The following EHMT2 variants were observed in gnomAD, a reference collection of about 807,000 sequenced individuals.
EHMT2 encodes euchromatic histone lysine methyltransferase 2, also known as histone-lysine N-methyltransferase EHMT2.
Under a neutral mutation model 143.3 loss-of-function variants are expected in EHMT2, and 59 were observed. The ratio of observed to expected loss-of-function variants is 0.41; its 90% CI spans 0.33 to 0.51. The LOEUF (loss-of-function observed/expected upper bound fraction) is 0.51, where lower values mean the gene tolerates loss of function less well. EHMT2 is among the 20% of genes least tolerant of loss of function. The pLI is 0.18. For missense variants in EHMT2, 1,174 were observed against 1,645.9 expected, an observed-to-expected ratio of 0.71 and a Z score of 4.96; for synonymous variants, 604 against 651.5, an observed-to-expected ratio of 0.93 and a Z score of 1.11.
rs1027297242 is a variant in EHMT2, at chr6:31,889,406, G to A, written c.999+62C>T. The A allele has an allele frequency of 6.2e-7, 1 of 1,608,334 alleles. No homozygotes were observed. The highest frequency in any genetic ancestry group is 8.5e-7 in the Non-Finnish European group (1 of 1,177,714). On this transcript the variant is annotated intron_variant, in intron 8 of 27. Coordinates refer to ENST00000375537, the Ensembl canonical transcript of EHMT2. This position sits in a 1 kb window ranked among gnomAD's most constrained non-coding sequence, Gnocchi z 5.1. ...CCCAGGGGCCCCCCCAACACCTTCAGGACCAGACCTCCAGCCCCATAGTCT... is the reference window on the plus strand; with the variant it reads ...CCCAGGGGCCCCCCCAACACCTTCAAGACCAGACCTCCAGCCCCATAGTCT...
At position 31,890,319 on chromosome 6, in the gene EHMT2, TG is replaced by T. The variant is rs201075958; in HGVS notation, c.865-718del. On this transcript the variant is annotated intron_variant, in intron 7 of 27. Coordinates refer to ENST00000375537, the Ensembl canonical transcript of EHMT2. ...TTGCCCAGGCTGCATTGCAATGGTG[TG>T]ATCTCAGCTCACTGCAACCTCCACC... Among the ~76,000 whole-genome samples the T allele has an allele frequency of 7.4e-4, 112 of 152,238 alleles. 1 individual carries two copies. In the East Asian group the frequency reaches 0.021, roughly 28 times the overall value.
At chr6:31,886,942 G>A in intron 16 of EHMT2, 45 bp from the exon 17 acceptor site, 1 of 1,613,936 alleles carries the variant, frequency 6.2e-7, no homozygotes, top group Non-Finnish European at 8.5e-7. Context: ...CATGGGGCAG[G>A]GGAGGGGCCT....
At chr6:31,897,188 C>G in intron 1 of EHMT2, 199 bp from the exon 2 acceptor site, 4 of 1,282,554 alleles carry the variant, frequency 3.1e-6, no homozygotes, top group Non-Finnish European at 4.0e-6. Context: ...CCCTCCCTCT[C>G]GGTAGACCCC....
At chr6:31,897,341 C>T in intron 1 of EHMT2, 1 of 482,408 alleles carries the variant, frequency 2.1e-6, no homozygotes, top group Non-Finnish European at 3.3e-6. Context: ...CTCCAGCACC[C>T]GCTGCCCCCC....
chr6:31,897,639 G>T (rs1213275207), exon 1 of EHMT2: 2 of 1,155,536 alleles, frequency 1.7e-6, no homozygotes, highest in Non-Finnish European at 2.1e-6. Flanking sequence ...TCCGCACCTC[G>T]GCGGCCGCCG....
intron 4 of EHMT2, 149 bp downstream of exon 4, chr6:31,896,112 TCA>T (rs749929395): frequency 2.9e-4 from 321 of 1,122,552 alleles, no homozygotes; most frequent in Non-Finnish European, 3.4e-4. Flanking sequence ...GTCTGTTGGT[TCA>T]CAGATCAAGC....
In EHMT2 at chr6:31,888,184, G is replaced by A. The variant is rs1765153883; in HGVS notation, c.1602C>T (p.Pro534=). ...CTTCAGAAGCATCCTCCCCACAGTG[G>A]GGACAGAAGACCATCCCATTCAGCT... is the stretch of plus-strand genomic sequence containing the variant. The change falls in exon 13 of 28, where the codon CCC becomes CCT. Residue 534 remains proline, a synonymous_variant. Coordinates refer to ENST00000375537, the Ensembl canonical transcript of EHMT2. The surrounding 1 kb of genome is among the most constrained non-coding windows in gnomAD (Gnocchi z 7.4). 1 of 1,612,874 alleles carries A rather than the reference G, an allele frequency of 6.2e-7. No individual in the cohort carries two copies. Among genetic ancestry groups the A allele is most frequent in the Non-Finnish European group, 8.5e-7 (1 of 1,180,018 alleles).
chr6:31,896,462 C>T (rs768110937), exon 4 of EHMT2: 1 of 1,613,030 alleles, frequency 6.2e-7, no homozygotes, highest in Non-Finnish European at 8.5e-7. Context: ...CTTGGCCCGG[C>T]TAGGACAGGA....
At chr6:31,894,916 T>A (rs575994817) in intron 4 of EHMT2, among the ~76,000 whole-genome samples, 24 of 152,198 alleles carry the variant, frequency 1.6e-4, no homozygotes, top group African/African-American at 5.3e-4. Context: ...CCTCTGAAAG[T>A]GTTGAGATTA....
At chr6:31,893,229 T>C in intron 4 of EHMT2, 1 of 509,604 alleles carries the variant, frequency 2.0e-6, no homozygotes. Context: ...ACAGCTGAGG[T>C]GCGGAAGCAA....
chr6:31,887,235 C>T, intron 15 of EHMT2, 134 bp from the exon 16 acceptor site: 1 of 715,500 alleles, frequency 1.4e-6, no homozygotes, highest in Non-Finnish European at 2.3e-6. Context: ...ATTCTCCGAG[C>T]TTGCCTCCAC....
chr6:31,887,861 C>A, exon 14 of EHMT2: 1 of 1,611,752 alleles, frequency 6.2e-7, no homozygotes, highest in Non-Finnish European at 8.5e-7. Context: ...GAAAGGCAGC[C>A]CCCATTGGGC....
intron 7 of EHMT2, among the ~76,000 whole-genome samples, chr6:31,890,542 C>T (rs1020337333): frequency 4.0e-5 from 6 of 150,114 alleles, no homozygotes; most frequent in Admixed American, 2.0e-4. Flanking sequence ...TGAGCCACCA[C>T]GCCTGGGCCA....
At position 31,886,737 on chromosome 6, in the gene EHMT2, T is replaced by C. The variant is rs1357199363; in HGVS notation, c.2241+38A>G. The C allele has an allele frequency of 2.5e-6, 4 of 1,613,866 alleles. No individual in the cohort carries two copies. In the South Asian group the frequency reaches 3.3e-5, roughly 13 times the overall value. ...GGGCTGGCACCCCAAACCTGGTCCCTGACTCCGGGGGCCACGCCCTGCTGC... is the reference window on the plus strand; with the variant it reads ...GGGCTGGCACCCCAAACCTGGTCCCCGACTCCGGGGGCCACGCCCTGCTGC... On this transcript the variant is annotated intron_variant, in intron 17 of 27. Transcript: ENST00000375537.
exon 14 of EHMT2, chr6:31,887,862 C>T (rs1765089260): frequency 6.2e-7 from 1 of 1,611,784 alleles, no homozygotes; most frequent in Middle Eastern, 1.7e-4. Context: ...AAAGGCAGCC[C>T]CCATTGGGCA....
chr6:31,882,531 C>T (rs74434374), intron 25 of EHMT2, 168 bp downstream of exon 25: 11 of 691,816 alleles, frequency 1.6e-5, no homozygotes, highest in Admixed American at 2.3e-5. Flanking sequence ...GGGTCAGAGG[C>T]GGCTGGCTGC....
rs149017575 is a variant in EHMT2 at position 31,889,353 on chromosome 6, G to A, written c.1000-11C>T. On this transcript the variant is annotated splice_polypyrimidine_tract_variant and intron_variant, in intron 8 of 27. Transcript: ENST00000375537. This position sits in a 1 kb window ranked among gnomAD's most constrained non-coding sequence, Gnocchi z 5.1. ...GCCACTGGAACCACTCTGGGAAGGG[G>A]GAGGAGGAGGAGTTAGGAACCCTCA... 6,818 of 1,610,244 alleles carry A rather than the reference G, an allele frequency of 4.2e-3. 53 individuals carry two copies. Among genetic ancestry groups the A allele is most frequent in the Middle Eastern group, 0.031 (185 of 6,058 alleles).
At position 31,893,344 on chromosome 6, in the gene EHMT2, A is replaced by C. The variant is rs924164486; in HGVS notation, c.583-434T>G. 4.5e-5 allele frequency: 20 copies of C among 447,856 alleles called. No individual in the cohort carries two copies. The Admixed American group carries it at 5.0e-4, about 11-fold the overall frequency. The allele number at this position is 447,856 out of a possible 1,614,324, so 27.7% of individuals were successfully genotyped here. On this transcript the variant is annotated intron_variant, in intron 4 of 27. Coordinates refer to ENST00000375537, the Ensembl canonical transcript of EHMT2. ...GAAAGATATACTTTTTTTAAGAGATAAGGTCTCATTCTGTTACCCAGGATG... is the reference window on the plus strand; with the variant it reads ...GAAAGATATACTTTTTTTAAGAGATCAGGTCTCATTCTGTTACCCAGGATG...
Position 31,889,140 on chromosome 6 carries a change from G to A in EHMT2, c.1115-70C>T. Reference sequence around the variant, plus strand: ...CTGGACGCGTGGGTACATGCAGGTGGACATGCGAGAGCGTGTGTGTGCGTG... The same window carrying A: ...CTGGACGCGTGGGTACATGCAGGTGAACATGCGAGAGCGTGTGTGTGCGTG... On this transcript the variant is annotated intron_variant, in intron 9 of 27. Transcript: ENST00000375537. The surrounding 1 kb of genome is among the most constrained non-coding windows in gnomAD (Gnocchi z 5.1). The A allele has an allele frequency of 6.5e-7, 1 of 1,533,464 alleles. No homozygotes were observed. Among genetic ancestry groups the A allele is most frequent in the Non-Finnish European group, 8.9e-7 (1 of 1,125,396 alleles). 95.0% of individuals were successfully genotyped at this position (1,533,464 alleles called of 1,614,324 possible).
Sources: gnomAD v4.1 joint callset for allele counts (sites outside exome capture counted in the v4.1 genomes callset) on GRCh38, gnomAD v4.1.1 for gene constraint, Gnocchi (gnomAD v3.1) non-coding constraint, MANE v1.5 for transcripts, NCBI Gene and HGNC (gene_info 2026-07-23, HGNC 2026-07-21) for gene names.